EFL1: variants seen among roughly 807,000 people sequenced by gnomAD.
EFL1 encodes the protein elongation factor-like GTPase 1.
Under a neutral mutation model 126.7 loss-of-function variants are expected in EFL1, and 76 were observed. The observed-to-expected ratio is 0.60, with a 90% CI of 0.50 to 0.73. EFL1 has a LOEUF of 0.73. Ranked by LOEUF, EFL1 falls within the 30% of genes least tolerant of loss-of-function variation. The pLI is 0.00. For synonymous variants in EFL1, 410 were observed against 448.4 expected, an observed-to-expected ratio of 0.91 and a Z score of 1.08; for missense variants, 1,128 against 1,343.2, an observed-to-expected ratio of 0.84 and a Z score of 2.50.
chr15:82,203,670 G>A (rs914653347), intron 15 of EFL1, among the ~76,000 whole-genome samples: 4 of 152,284 alleles, frequency 2.6e-5, no homozygotes, highest in Non-Finnish European at 4.4e-5. Flanking sequence ...GAGCCACCGC[G>A]CCTGGCCACA....
intron 3 of EFL1, among the ~76,000 whole-genome samples, 171 bp from the exon 4 acceptor site, chr15:82,252,946 C>T (rs1346909793): frequency 6.6e-6 from 1 of 152,086 alleles, no homozygotes; most frequent in Non-Finnish European, 1.5e-5. Context: ...GAACTTCTAG[C>T]CTCAAGTGAT....
chr15:82,150,487 C>T (rs531330170), intron 18 of EFL1, among the ~76,000 whole-genome samples: 1 of 152,232 alleles, frequency 6.6e-6, no homozygotes, highest in African/African-American at 2.4e-5. Context: ...CTGTTCTGGG[C>T]ACTGTATTTA....
chr15:82,173,936 T>C (rs527992450), intron 15 of EFL1, among the ~76,000 whole-genome samples: 22 of 152,244 alleles, frequency 1.4e-4, no homozygotes, highest in Middle Eastern at 3.4e-3. Flanking sequence ...ACACCTGTAA[T>C]CCCAGCACTT....
intron 4 of EFL1, among the ~76,000 whole-genome samples, chr15:82,246,142 G>C (rs1028539391): frequency 6.6e-6 from 1 of 152,022 alleles, no homozygotes; most frequent in Non-Finnish European, 1.5e-5. Flanking sequence ...TTCTCAGTAT[G>C]ATGCCAGTCC....
chr15:82,203,807 T>C (rs887518778), intron 15 of EFL1, among the ~76,000 whole-genome samples: 16 of 152,242 alleles, frequency 1.1e-4, no homozygotes, highest in Non-Finnish European at 2.2e-4. Context: ...TAATATTCCA[T>C]TGTGCACCAT....
intron 15 of EFL1, among the ~76,000 whole-genome samples, chr15:82,177,568 G>A (rs1256628470): frequency 1.3e-5 from 2 of 152,126 alleles, no homozygotes; most frequent in African/African-American, 4.8e-5. Flanking sequence ...TGACATTGTG[G>A]TTCACATGAA....
chr15:82,240,023 G>A (rs1189391917), intron 6 of EFL1, among the ~76,000 whole-genome samples: 2 of 152,086 alleles, frequency 1.3e-5, no homozygotes, highest in East Asian at 1.9e-4. Context: ...GTGCACAATG[G>A]ACATTTGATA....
intron 15 of EFL1, among the ~76,000 whole-genome samples, chr15:82,212,565 G>A (rs1254039740): frequency 1.3e-5 from 2 of 152,226 alleles, no homozygotes; most frequent in Non-Finnish European, 2.9e-5. Flanking sequence ...CAAAGTGGCT[G>A]GCTGCATTTC....
intron 15 of EFL1, among the ~76,000 whole-genome samples, chr15:82,210,024 C>T (rs1325534306): frequency 6.6e-6 from 1 of 152,130 alleles, no homozygotes; most frequent in African/African-American, 2.4e-5. Context: ...TATTGGTCTC[C>T]ACTATTTTCT....
chr15:82,167,388 C>T (rs1256502425), intron 15 of EFL1, among the ~76,000 whole-genome samples: 2 of 152,152 alleles, frequency 1.3e-5, no homozygotes, highest in Non-Finnish European at 2.9e-5. Flanking sequence ...CTGTATACTA[C>T]ACCCTTCAAA....
intron 7 of EFL1, among the ~76,000 whole-genome samples, chr15:82,235,905 C>T (rs1221160533): frequency 6.6e-6 from 1 of 151,970 alleles, no homozygotes; most frequent in South Asian, 2.1e-4. Flanking sequence ...TACAACAACC[C>T]CTATTTGCAG....
rs200449433 is a variant in EFL1 at position 82,148,991 on chromosome 15, AT to A, written c.2989+2473del. Among the ~76,000 whole-genome samples the A allele has an allele frequency of 7.0e-3, 1,058 of 151,286 alleles. 14 individuals are homozygous for A. The highest frequency in any genetic ancestry group is 0.025 in the African/African-American group (1,011 of 41,196). The stretch of plus-strand genomic sequence containing the variant: ...CTAAGCTTTTTTTTTTTCTAACATG[AT>A]TGGTAAGCTGATAATTGGGGGACTG... On this transcript the variant is annotated intron_variant, in intron 18 of 19. Transcript: ENST00000268206.
intron 7 of EFL1, among the ~76,000 whole-genome samples, chr15:82,234,526 TA>T (rs1187485598): frequency 6.6e-6 from 1 of 152,104 alleles, no homozygotes; most frequent in African/African-American, 2.4e-5. Flanking sequence ...AAGATATCTA[TA>T]ATTTATTACA....
At chr15:82,174,065 T>C (rs534939183) in intron 15 of EFL1, among the ~76,000 whole-genome samples, 1 of 152,178 alleles carries the variant, frequency 6.6e-6, no homozygotes, top group South Asian at 2.1e-4. Flanking sequence ...GGCGGAAGCC[T>C]ATAGTCCCAG....
At chr15:82,137,029 T>G (rs7179879) in intron 19 of EFL1, among the ~76,000 whole-genome samples, 15,707 of 152,084 alleles carry the variant, frequency 0.1, 1,203 homozygotes, top group East Asian at 0.35. Context: ...ATTTTTTTTT[T>G]TTTTTAAAGG....
chr15:82,179,433 T>C (rs1463340376), intron 15 of EFL1, among the ~76,000 whole-genome samples: 2 of 152,082 alleles, frequency 1.3e-5, no homozygotes, highest in Non-Finnish European at 2.9e-5. Flanking sequence ...GACAAAAAAG[T>C]AAACCCCAAC....
chr15:82,182,864 A>G (rs1262512774), intron 15 of EFL1, among the ~76,000 whole-genome samples: 1 of 152,122 alleles, frequency 6.6e-6, no homozygotes, highest in Non-Finnish European at 1.5e-5. Flanking sequence ...TATGAAGGAC[A>G]TGGAGCCAAA....
chr15:82,228,368 C>T, intron 9 of EFL1, 41 bp from the exon 10 acceptor site: 1 of 1,580,360 alleles, frequency 6.3e-7, no homozygotes, highest in Non-Finnish European at 8.6e-7. Context: ...ATGTCATATG[C>T]AGATATAAAC....
intron 12 of EFL1, 33 bp downstream of exon 12, chr15:82,225,132 C>G: frequency 6.5e-7 from 1 of 1,539,806 alleles, no homozygotes; most frequent in Non-Finnish European, 8.9e-7. Flanking sequence ...ACACCATATT[C>G]CTAGCCCAGC....
Sources: gnomAD v4.1 joint callset for allele counts (sites outside exome capture counted in the v4.1 genomes callset) on GRCh38, gnomAD v4.1.1 for gene constraint, MANE v1.5 for transcripts, NCBI Gene and HGNC (gene_info 2026-07-23, HGNC 2026-07-21) for gene names.